PROS1: variants seen among roughly 807,000 people sequenced by gnomAD.
PROS1 encodes protein S.
In PROS1, 29 loss-of-function variants were observed where a neutral mutation model predicts 75.9. The observed-to-expected ratio is 0.38, with a 90% CI of 0.28 to 0.52. The LOEUF is 0.52. PROS1 is among the 20% of genes least tolerant of loss of function. PROS1 has a pLI of 0.83. For missense variants in PROS1, 680 were observed against 810.3 expected (o/e 0.84, Z 1.95); for synonymous variants, 245 against 280.6 (o/e 0.87, Z 1.27).
intron 12 of PROS1, among the ~76,000 whole-genome samples, chr3:93,880,507 A>AT (rs1323405174): frequency 6.7e-6 from 1 of 148,542 alleles, no homozygotes; most frequent in African/African-American, 2.5e-5. Context: ...CTCTGTCTCC[A>AT]AAAAAAAAAG....
intron 1 of PROS1, among the ~76,000 whole-genome samples, chr3:93,935,955 T>TA (rs1170480529): frequency 0.017 from 2,142 of 123,410 alleles, 19 homozygotes; most frequent in East Asian, 0.03. Flanking sequence ...AAGTCCACAT[T>TA]AAAAAAAAAA....
At chr3:93,934,822 T>A (rs1414279720) in intron 1 of PROS1, among the ~76,000 whole-genome samples, 2 of 151,908 alleles carry the variant, frequency 1.3e-5, no homozygotes, top group Non-Finnish European at 2.9e-5. Context: ...CTGGAACAGA[T>A]CATTGAATGA....
At chr3:93,937,146 C>A (rs1709195894) in intron 1 of PROS1, among the ~76,000 whole-genome samples, 1 of 152,078 alleles carries the variant, frequency 6.6e-6, no homozygotes, top group Non-Finnish European at 1.5e-5. Flanking sequence ...GCCTTAAAAT[C>A]CGAGCTCCCT....
At position 93,973,468 on chromosome 3, in the gene PROS1, T is replaced by C. The variant is rs1213113878; in HGVS notation, c.76+206A>G. The C allele has an allele frequency of 6.6e-6, 4 of 610,508 alleles. No homozygotes were observed. The East Asian group carries it at 8.7e-5, about 13-fold the overall frequency. 37.8% of individuals were successfully genotyped at this position (610,508 alleles called of 1,614,324 possible). On this transcript the variant is annotated intron_variant, in intron 1 of 14. Transcript: ENST00000394236. Reference sequence around the variant, plus strand: ...TAGATCTGTCCTGTAGGCAATACATTCTCGCAACTGTGCAAATAGTGATCC... The same window carrying C: ...TAGATCTGTCCTGTAGGCAATACATCCTCGCAACTGTGCAAATAGTGATCC...
chr3:93,943,349 C>T (rs1709321737), intron 1 of PROS1, among the ~76,000 whole-genome samples: 1 of 151,854 alleles, frequency 6.6e-6, no homozygotes. Context: ...TGGGTCCTCC[C>T]AATTCTTAGT....
intron 1 of PROS1, among the ~76,000 whole-genome samples, chr3:93,943,042 C>T (rs1207316677): frequency 1.3e-5 from 2 of 152,170 alleles, no homozygotes; most frequent in Non-Finnish European, 2.9e-5. Context: ...TTCTGTCAGA[C>T]ATAATTCTTC....
intron 3 of PROS1, among the ~76,000 whole-genome samples, chr3:93,913,142 C>T (rs1351177254): frequency 1.3e-5 from 2 of 151,882 alleles, no homozygotes; most frequent in Non-Finnish European, 2.9e-5. Flanking sequence ...TGAGTGAGTT[C>T]TCATGAGATC....
At chr3:93,943,909 G>A (rs1709336279) in intron 1 of PROS1, among the ~76,000 whole-genome samples, 2 of 152,168 alleles carry the variant, frequency 1.3e-5, no homozygotes, top group South Asian at 2.1e-4. Flanking sequence ...CCTTTTGACT[G>A]TAATTTTCCA....
chr3:93,945,759 T>G (rs1367652244), intron 1 of PROS1, among the ~76,000 whole-genome samples: 1 of 152,200 alleles, frequency 6.6e-6, no homozygotes, highest in Non-Finnish European at 1.5e-5. Flanking sequence ...AAAACAGGGA[T>G]GCCCTCTCTC....
intron 1 of PROS1, among the ~76,000 whole-genome samples, chr3:93,927,677 C>A (rs1208790706): frequency 3.3e-5 from 5 of 151,374 alleles, no homozygotes; most frequent in Non-Finnish European, 5.9e-5. Flanking sequence ...AGATAATATT[C>A]AATACTTCCT....
At chr3:93,934,783 A>G (rs1709156558) in intron 1 of PROS1, among the ~76,000 whole-genome samples, 1 of 152,182 alleles carries the variant, frequency 6.6e-6, no homozygotes, top group African/African-American at 2.4e-5. Flanking sequence ...GTGGAATTAA[A>G]AAAAAAATGT....
chr3:93,929,405 T>G (rs1340234182), intron 1 of PROS1, among the ~76,000 whole-genome samples: 4 of 151,516 alleles, frequency 2.6e-5, no homozygotes, highest in African/African-American at 9.7e-5. Flanking sequence ...CTTGAGCCTG[T>G]GGGGGGTCAA....
chr3:93,887,676 C>G (rs1401884774), intron 10 of PROS1, among the ~76,000 whole-genome samples: 1 of 152,190 alleles, frequency 6.6e-6, no homozygotes, highest in East Asian at 1.9e-4. Flanking sequence ...CCTTTACAGA[C>G]TTTCTTAACT....
chr3:93,897,629 C>T (rs1048310618), intron 8 of PROS1, among the ~76,000 whole-genome samples: 8 of 152,010 alleles, frequency 5.3e-5, no homozygotes, highest in African/African-American at 1.7e-4. Context: ...TTGAATGTGA[C>T]ATTTTTCTGG....
chr3:93,916,199 G>C (rs1237584596), intron 3 of PROS1, among the ~76,000 whole-genome samples: 1 of 152,106 alleles, frequency 6.6e-6, no homozygotes, highest in Non-Finnish European at 1.5e-5. Flanking sequence ...TTTAGGTCTC[G>C]AGTAGTCTTA....
intron 1 of PROS1, among the ~76,000 whole-genome samples, chr3:93,930,969 T>C (rs1709097013): frequency 6.6e-6 from 1 of 152,200 alleles, no homozygotes; most frequent in African/African-American, 2.4e-5. Context: ...GCTTCTGTCC[T>C]ACAGGAAAAT....
At chr3:93,930,920 A>C (rs1709096442) in intron 1 of PROS1, among the ~76,000 whole-genome samples, 2 of 152,344 alleles carry the variant, frequency 1.3e-5, no homozygotes, top group East Asian at 1.9e-4. Context: ...TTATTGTCTC[A>C]ATTGTTGAGA....
At chr3:93,891,630 G>A (rs541756990) in intron 10 of PROS1, among the ~76,000 whole-genome samples, 3 of 152,132 alleles carry the variant, frequency 2.0e-5, no homozygotes, top group South Asian at 2.1e-4. Flanking sequence ...GGCTGCTCTC[G>A]AACTCCTGAT....
At chr3:93,964,860 G>A (rs1465395332) in intron 1 of PROS1, among the ~76,000 whole-genome samples, 1 of 152,094 alleles carries the variant, frequency 6.6e-6, no homozygotes, top group African/African-American at 2.4e-5. Context: ...TTCTCAGCCA[G>A]CCAACACTTA....
Sources: gnomAD v4.1 joint callset for allele counts (sites outside exome capture counted in the v4.1 genomes callset) on GRCh38, gnomAD v4.1.1 for gene constraint, MANE v1.5 for transcripts, NCBI Gene and HGNC (gene_info 2026-07-23, HGNC 2026-07-21) for gene names.